The following PALM2AKAP2 variants were observed in gnomAD, a reference collection of about 807,000 sequenced individuals.
PALM2AKAP2 encodes PALM2 and AKAP2 fusion, also known as PALM2-AKAP2 fusion protein.
A neutral mutation model predicts 71.5 loss-of-function variants in PALM2AKAP2; 37 were observed. That is an observed-to-expected ratio of 0.52 (90% CI 0.40 to 0.68). The LOEUF (loss-of-function observed/expected upper bound fraction) is 0.68, where lower values mean the gene tolerates loss of function less well. PALM2AKAP2 is among the 30% of genes least tolerant of loss of function. The pLI is 0.00. For synonymous variants in PALM2AKAP2, 468 were observed against 478.8 expected, an observed-to-expected ratio of 0.98 and a Z score of 0.29; for missense variants, 1,224 against 1,191.8, an observed-to-expected ratio of 1.03 and a Z score of -0.40.
upstream of PALM2AKAP2, among the ~76,000 whole-genome samples, chr9:109,777,934 C>T (rs1829370706): frequency 4.6e-5 from 7 of 152,230 alleles, no homozygotes; most frequent in Admixed American, 3.9e-4. Flanking sequence ...GTGTCCCCAA[C>T]CCCGATTCTT....
At chr9:109,891,565 G>A (rs1830090990) in intron 3 of PALM2AKAP2, among the ~76,000 whole-genome samples, 1 of 152,054 alleles carries the variant, frequency 6.6e-6, no homozygotes, top group South Asian at 2.1e-4. Flanking sequence ...TCAGCTCACT[G>A]CAACCTCCCA....
intron 1 of PALM2AKAP2, among the ~76,000 whole-genome samples, chr9:109,662,420 A>G (rs1046917756): frequency 6.6e-6 from 1 of 152,170 alleles, no homozygotes; most frequent in Non-Finnish European, 1.5e-5. Flanking sequence ...ATCTATTGAG[A>G]TAATCATGTG....
chr9:109,970,944 C>CA (rs1359688732), intron 6 of PALM2AKAP2, among the ~76,000 whole-genome samples: 6 of 151,654 alleles, frequency 4.0e-5, no homozygotes, highest in Non-Finnish European at 8.8e-5. Flanking sequence ...CCTGTGTCTA[C>CA]AAAAAAAATT....
At chr9:109,794,016 G>A (rs902429308) in intron 1 of PALM2AKAP2, among the ~76,000 whole-genome samples, 2 of 152,138 alleles carry the variant, frequency 1.3e-5, no homozygotes, top group Admixed American at 1.3e-4. Flanking sequence ...TTTCTACATG[G>A]CGTATTTCAA....
chr9:109,788,202 A>G (rs754424414), intron 1 of PALM2AKAP2, among the ~76,000 whole-genome samples: 20 of 152,344 alleles, frequency 1.3e-4, no homozygotes, highest in Non-Finnish European at 2.5e-4. Context: ...CTTATTAGAA[A>G]AGAATCTTTA....
chr9:110,140,557 T>C (rs1291805310), intron 2 of PALM2AKAP2, among the ~76,000 whole-genome samples: 1 of 152,270 alleles, frequency 6.6e-6, no homozygotes, highest in African/African-American at 2.4e-5. Flanking sequence ...TTTGCCCTGA[T>C]GCTTTTTAAT....
intron 1 of PALM2AKAP2, among the ~76,000 whole-genome samples, chr9:110,058,313 T>C (rs932661879): frequency 2.0e-5 from 3 of 152,160 alleles, no homozygotes; most frequent in Admixed American, 6.5e-5. Context: ...CATTAGAGTT[T>C]TGAGAGTGTC....
At chr9:109,728,693 T>C (rs1385577645) in intron 1 of PALM2AKAP2, among the ~76,000 whole-genome samples, 1 of 152,224 alleles carries the variant, frequency 6.6e-6, no homozygotes, top group Admixed American at 6.5e-5. Flanking sequence ...ATCCAAGGGA[T>C]AAGTTTTAAT....
chr9:109,908,020 G>T (rs553994524), intron 3 of PALM2AKAP2, among the ~76,000 whole-genome samples: 6 of 152,330 alleles, frequency 3.9e-5, no homozygotes, highest in African/African-American at 1.4e-4. Flanking sequence ...CTTTTGGGTA[G>T]TTTAGGGAAA....
intron 6 of PALM2AKAP2, chr9:109,946,770 G>A (rs1016950493): frequency 2.6e-5 from 4 of 151,290 alleles, no homozygotes; most frequent in African/African-American, 2.4e-5. Flanking sequence ...GGAAAAGGGG[G>A]GGTATCTCAT....
At chr9:109,913,755 CTTTTT>C (rs35024326) in intron 3 of PALM2AKAP2, among the ~76,000 whole-genome samples, 36 of 102,958 alleles carry the variant, frequency 3.5e-4, no homozygotes, top group African/African-American at 1.3e-3. Flanking sequence ...ATGCTTATTT[CTTTTT>C]TTTTTTTTTT....
At chr9:109,934,300 T>C (rs1714609030) in intron 6 of PALM2AKAP2, among the ~76,000 whole-genome samples, 1 of 152,194 alleles carries the variant, frequency 6.6e-6, no homozygotes, top group Admixed American at 6.5e-5. Flanking sequence ...AAATTCTTCC[T>C]CTGATGGAGC....
At position 110,030,144 on chromosome 9, in the gene PALM2AKAP2, C is replaced by T. The variant is rs1227658990; in HGVS notation, c.582+14105C>T. ...AGAGAAAATTACACACAATGGGGTA[C>T]AGATGGTTATATACCCTTCTTCTTA... On this transcript the variant is annotated intron_variant, in intron 7 of 9. Coordinates refer to the PALM2AKAP2 transcript ENST00000302798. Among the ~76,000 whole-genome samples the T allele has an allele frequency of 5.9e-5, 9 of 152,110 alleles. No homozygotes were observed. In the East Asian group the frequency reaches 1.5e-3, roughly 26 times the overall value.
chr9:109,895,867 GC>G (rs1830187182), intron 3 of PALM2AKAP2, among the ~76,000 whole-genome samples: 1 of 152,086 alleles, frequency 6.6e-6, no homozygotes, highest in South Asian at 2.1e-4. Context: ...TCTTTACATG[GC>G]AGCAGCAAGG....
At chr9:109,874,691 A>T (rs1441562293) in intron 2 of PALM2AKAP2, among the ~76,000 whole-genome samples, 2 of 152,214 alleles carry the variant, frequency 1.3e-5, no homozygotes, top group East Asian at 3.8e-4. Flanking sequence ...TCTGAAACTT[A>T]ACATGCCCAA....
rs558739960 is a variant in PALM2AKAP2, at chr9:109,881,601, A to T, written c.257+920A>T. On this transcript the variant is annotated intron_variant, in intron 3 of 9. Transcript: ENST00000302798. ...AGAGAGTGGTTTCTTTATGGTTCTC[A>T]ACCAGGATCTGATCACTTCAATCTG... is the stretch of plus-strand genomic sequence containing the variant. Among the ~76,000 whole-genome samples, 18 of 152,302 alleles carry T rather than the reference A, an allele frequency of 1.2e-4. No individual in the cohort carries two copies. In the South Asian group the frequency reaches 3.7e-3, roughly 32 times the overall value.
intron 1 of PALM2AKAP2, among the ~76,000 whole-genome samples, chr9:109,836,303 C>A (rs1828474737): frequency 6.6e-6 from 1 of 152,230 alleles, no homozygotes; most frequent in Non-Finnish European, 1.5e-5. Context: ...CTCCAACAGA[C>A]CTGCAGCTGA....
intron 1 of PALM2AKAP2, among the ~76,000 whole-genome samples, chr9:109,746,760 T>C (rs1268359868): frequency 6.6e-6 from 1 of 152,172 alleles, no homozygotes; most frequent in African/African-American, 2.4e-5. Flanking sequence ...TATTTTATCT[T>C]CATTTTGCAG....
intron 1 of PALM2AKAP2, among the ~76,000 whole-genome samples, chr9:110,083,711 A>G (rs1190692688): frequency 6.6e-6 from 1 of 152,252 alleles, no homozygotes; most frequent in African/African-American, 2.4e-5. Context: ...CAAAGAGTCA[A>G]GAATAAAAAT....
Sources: gnomAD v4.1 joint callset for allele counts (sites outside exome capture counted in the v4.1 genomes callset) on GRCh38, gnomAD v4.1.1 for gene constraint, MANE v1.5 for transcripts, NCBI Gene and HGNC (gene_info 2026-07-23, HGNC 2026-07-21) for gene names.